MROH7: variants seen among roughly 807,000 people sequenced by gnomAD.
MROH7 encodes the protein maestro heat-like repeat-containing protein family member 7.
In MROH7, 113 loss-of-function variants were observed where a neutral mutation model predicts 129.2. That is an observed-to-expected ratio of 0.87 (90% CI 0.75 to 1.02). MROH7 has a LOEUF of 1.02. MROH7 is among the 50% of genes least tolerant of loss of function. MROH7 has a pLI of 0.00. For missense variants in MROH7, 1,601 were observed against 1,671.3 expected (o/e 0.96, Z 0.73); for synonymous variants, 655 against 667.9 (o/e 0.98, Z 0.30).
At chr1:54,686,010 G>C (rs2101149514) in intron 14 of MROH7, among the ~76,000 whole-genome samples, 2 of 152,228 alleles carry the variant, frequency 1.3e-5, no homozygotes, top group South Asian at 4.2e-4. Context: ...ATTCTTCCAA[G>C]GTTGCATAAA....
chr1:54,673,401 C>T (rs1644932590), intron 8 of MROH7, among the ~76,000 whole-genome samples: 1 of 151,914 alleles, frequency 6.6e-6, no homozygotes, highest in Non-Finnish European at 1.5e-5. Context: ...TAAATGGCTG[C>T]CCATGGTTAT....
At chr1:54,680,665 TGG>T (rs1645055320) in intron 13 of MROH7, among the ~76,000 whole-genome samples, 1 of 152,180 alleles carries the variant, frequency 6.6e-6, no homozygotes, top group Non-Finnish European at 1.5e-5. Flanking sequence ...GGTGAGCTCG[TGG>T]GCAGGAGAGG....
At chr1:54,670,660 T>TGCC in intron 6 of MROH7, 84 bp downstream of exon 6, 6 of 1,061,714 alleles carry the variant, frequency 5.7e-6, no homozygotes, top group Admixed American at 2.4e-5. Context: ...CGCTGTACCC[T>TGCC]CCCCCAACCC....
intron 16 of MROH7, 84 bp from the exon 17 acceptor site, chr1:54,695,292 T>C: frequency 1.4e-6 from 1 of 716,254 alleles, no homozygotes; most frequent in Non-Finnish European, 2.4e-6. Context: ...TTACCCAGGA[T>C]TTCCAGTGTC....
chr1:54,658,118 C>T (rs2101077765), intron 3 of MROH7, among the ~76,000 whole-genome samples: 1 of 152,278 alleles, frequency 6.6e-6, no homozygotes, highest in East Asian at 1.9e-4. Flanking sequence ...TCCCCCAGCC[C>T]CTAGCCACCA....
rs570764670 is a variant in MROH7 at position 54,644,501 on chromosome 1, C to G, written c.-110+2533C>G. 2.2e-4 allele frequency among the ~76,000 whole-genome samples: 33 copies of G among 152,030 alleles called. No homozygotes were observed. The East Asian group carries it at 6.2e-3, about 29-fold the overall frequency. ...GGGATTAGAGGTGCCCACCACCATGCCTGGATAATTTTTGTATTTTTAGTA... is the reference window on the plus strand; with the variant it reads ...GGGATTAGAGGTGCCCACCACCATGGCTGGATAATTTTTGTATTTTTAGTA... On this transcript the variant is annotated intron_variant, in intron 1 of 23. Coordinates refer to ENST00000421030, the MANE Select transcript of MROH7 (RefSeq NM_001039464.4).
chr1:54,651,011 C>G (rs1343545201), intron 1 of MROH7, among the ~76,000 whole-genome samples: 2 of 152,142 alleles, frequency 1.3e-5, no homozygotes, highest in African/African-American at 4.8e-5. Flanking sequence ...AGGCGTGAGC[C>G]CCTGCACCCA....
intron 17 of MROH7, chr1:54,695,973 G>A (rs115094447): frequency 7.5e-6 from 2 of 268,182 alleles, no homozygotes; most frequent in Non-Finnish European, 1.5e-5. Context: ...TAAGCTGAGT[G>A]TGTGTTGGGG....
Position 54,678,662 on chromosome 1 carries a change from T to A in MROH7, c.1937-80T>A. 40 of 944,972 alleles carry A rather than the reference T, an allele frequency of 4.2e-5. No homozygotes were observed. In the South Asian group the frequency reaches 5.4e-4, roughly 13 times the overall value. 58.5% of individuals were successfully genotyped at this position (944,972 alleles called of 1,614,324 possible). A position where few individuals can be genotyped will look rare whatever the true frequency, so the allele number is the denominator to read the frequency against. On this transcript the variant is annotated intron_variant, in intron 10 of 23. Transcript: ENST00000421030. Reference sequence around the variant, plus strand: ...GTGAAAATGTATCAAGTTAGTTCCTTATGATGTAGGGACTTCCTACATGTA... The same window carrying A: ...GTGAAAATGTATCAAGTTAGTTCCTAATGATGTAGGGACTTCCTACATGTA...
chr1:54,674,738 T>C (rs1256513231), intron 10 of MROH7, among the ~76,000 whole-genome samples: 1 of 152,332 alleles, frequency 6.6e-6, no homozygotes, highest in East Asian at 1.9e-4. Context: ...CAGAAGGCAT[T>C]GTACCTAGAG....
intron 17 of MROH7, chr1:54,698,975 G>A (rs893232121): frequency 2.5e-4 from 38 of 151,958 alleles, no homozygotes; most frequent in African/African-American, 8.5e-4. Flanking sequence ...TGTATTTTTA[G>A]TAGAGATGGG....
intron 18 of MROH7, 110 bp from the exon 19 acceptor site, chr1:54,701,033 T>C: frequency 8.2e-7 from 1 of 1,217,102 alleles, no homozygotes; most frequent in Non-Finnish European, 1.2e-6. Flanking sequence ...GGCCAAGGCC[T>C]GGAAGTGGGG....
chr1:54,647,974 C>T (rs996293855), intron 1 of MROH7, among the ~76,000 whole-genome samples: 2 of 150,912 alleles, frequency 1.3e-5, no homozygotes, highest in South Asian at 4.2e-4. Flanking sequence ...TGTCAATATC[C>T]AGCTGTTCCA....
At chr1:54,671,535 G>T (rs1043217127) in intron 7 of MROH7, among the ~76,000 whole-genome samples, 3 of 152,226 alleles carry the variant, frequency 2.0e-5, no homozygotes, top group African/African-American at 7.2e-5. Flanking sequence ...AGGCTGTAAT[G>T]AAGACAGACT....
chr1:54,689,395 G>A (rs1015350795), intron 15 of MROH7, among the ~76,000 whole-genome samples: 6 of 152,160 alleles, frequency 3.9e-5, no homozygotes, highest in Admixed American at 6.5e-5. Flanking sequence ...CTAGAACTGC[G>A]AAAAAATATA....
chr1:54,709,124 T>C (rs377575087), intron 23 of MROH7, 48 bp downstream of exon 23: 65 of 1,567,410 alleles, frequency 4.1e-5, no homozygotes, highest in Non-Finnish European at 5.5e-5. Context: ...AGTGAGACAG[T>C]GAGTAGAATC....
intron 3 of MROH7, chr1:54,659,048 A>C: frequency 2.5e-6 from 1 of 401,814 alleles, no homozygotes; most frequent in South Asian, 1.8e-5. Flanking sequence ...ACTTATTGCC[A>C]ATAGAATAAT....
Position 54,653,221 on chromosome 1 carries a change from T to C in MROH7, c.295T>C (p.Ser99Pro). The change falls in exon 3 of 24, where the codon TCT becomes CCT. Residue 99 changes from serine to proline, a missense_variant. Transcript: ENST00000421030. Reference protein sequence around the residue: ...IAPASLQITSSCSGEALDLDS... With the variant: ...IAPASLQITSPCSGEALDLDS... ...TCCAGCCTCCCTCCAGATCACCAGTTCTTGTTCTGGTGAAGCCCTGGACCT... is the reference window on the plus strand; with the variant it reads ...TCCAGCCTCCCTCCAGATCACCAGTCCTTGTTCTGGTGAAGCCCTGGACCT... 6.2e-7 allele frequency: 1 copy of C among 1,614,128 alleles called. No individual in the cohort carries two copies. The highest frequency in any genetic ancestry group is 8.5e-7 in the Non-Finnish European group (1 of 1,180,010).
At chr1:54,679,546 C>A in intron 12 of MROH7, 107 bp downstream of exon 12, 1 of 1,244,552 alleles carries the variant, frequency 8.0e-7, no homozygotes, top group South Asian at 1.4e-5. Flanking sequence ...TGGGGTATAC[C>A]TGAACCCCCT....
Sources: allele counts gnomAD v4.1 joint callset (sites outside exome capture counted in the v4.1 genomes callset), GRCh38; gene constraint gnomAD v4.1.1; transcripts MANE v1.5; gene names NCBI Gene and HGNC (gene_info 2026-07-23, HGNC 2026-07-21).